NRG3: variants seen among roughly 807,000 people sequenced by gnomAD.
The protein encoded by NRG3 is neuregulin 3, also known as pro-neuregulin-3, membrane-bound isoform.
A neutral mutation model predicts 66.9 loss-of-function variants in NRG3; 31 were observed. That is an observed-to-expected ratio of 0.46 (90% CI 0.35 to 0.63). The LOEUF is 0.63. Ranked by LOEUF, NRG3 falls within the 20% of genes least tolerant of loss-of-function variation. The pLI is 0.00. For synonymous variants in NRG3, 393 were observed against 359.4 expected, an observed-to-expected ratio of 1.09 and a Z score of -1.06; for missense variants, 910 against 878.9, an observed-to-expected ratio of 1.04 and a Z score of -0.45.
chr10:82,681,095 C>T (rs771367537), intron 2 of NRG3, among the ~76,000 whole-genome samples: 20 of 152,102 alleles, frequency 1.3e-4, no homozygotes, highest in African/African-American at 4.1e-4. Flanking sequence ...ATTGGGGCAT[C>T]GCTCATGGTT....
chr10:82,837,132 C>A (rs2062822738), intron 3 of NRG3, among the ~76,000 whole-genome samples: 1 of 152,106 alleles, frequency 6.6e-6, no homozygotes, highest in South Asian at 2.1e-4. Context: ...TTTCTTAATC[C>A]AGTCTATCGT....
chr10:82,879,314 G>C (rs1249590056), intron 4 of NRG3, among the ~76,000 whole-genome samples: 1 of 152,118 alleles, frequency 6.6e-6, no homozygotes, highest in Non-Finnish European at 1.5e-5. Flanking sequence ...CTCTTAAGTT[G>C]CTTAAATGTC....
rs116371673 is a variant in NRG3, at chr10:82,024,398, A to G, written c.823+148235A>G. 9.8e-3 allele frequency among the ~76,000 whole-genome samples: 1,483 copies of G among 152,044 alleles called. 31 individuals carry two copies. The highest frequency in any genetic ancestry group is 0.033 in the African/African-American group (1,390 of 41,530). On this transcript the variant is annotated intron_variant, in intron 1 of 8. Coordinates refer to ENST00000372141, the MANE Select transcript of NRG3 (RefSeq NM_001010848.4). ...TCTACTAATTTTGGAAAACCTTTAT[A>G]CAGTGGGTTAAAGAAAATATCTTAT...
intron 1 of NRG3, among the ~76,000 whole-genome samples, chr10:82,030,619 G>T (rs545128509): frequency 6.6e-6 from 1 of 151,866 alleles, no homozygotes; most frequent in East Asian, 1.9e-4. Context: ...CACTTTAATG[G>T]AGGATATGAT....
At chr10:82,393,460 A>T (rs2086523938) in intron 2 of NRG3, among the ~76,000 whole-genome samples, 1 of 152,176 alleles carries the variant, frequency 6.6e-6, no homozygotes, top group Non-Finnish European at 1.5e-5. Flanking sequence ...ACTGACAGAA[A>T]GGATTAAAGT....
intron 3 of NRG3, among the ~76,000 whole-genome samples, chr10:82,774,721 T>A (rs2059833041): frequency 6.6e-6 from 1 of 151,764 alleles, no homozygotes; most frequent in South Asian, 2.1e-4. Context: ...AAGAAACAAC[T>A]CTTGGTTTTA....
intron 4 of NRG3, among the ~76,000 whole-genome samples, chr10:82,900,864 A>T (rs1206361212): frequency 6.6e-6 from 1 of 152,130 alleles, no homozygotes; most frequent in Non-Finnish European, 1.5e-5. Flanking sequence ...GTTTAAAGGA[A>T]ATTTTTTTCA....
chr10:82,945,125 G>A (rs983643795), intron 4 of NRG3, among the ~76,000 whole-genome samples: 1 of 152,164 alleles, frequency 6.6e-6, no homozygotes, highest in Non-Finnish European at 1.5e-5. Flanking sequence ...CCACCCCTCA[G>A]CTTGCTTTTC....
intron 4 of NRG3, among the ~76,000 whole-genome samples, chr10:82,895,450 AG>A (rs968713351): frequency 1.3e-5 from 2 of 152,030 alleles, no homozygotes; most frequent in Admixed American, 1.3e-4. Flanking sequence ...AGATTATCTG[AG>A]AAAAAAATGA....
rs140967596 is a variant in NRG3 at position 82,617,458 on chromosome 10, C to T, written c.954-121119C>T. On this transcript the variant is annotated intron_variant, in intron 2 of 8. Coordinates refer to ENST00000372141, the MANE Select transcript of NRG3 (RefSeq NM_001010848.4). Reference sequence around the variant, plus strand: ...GGAGAAAAGGGGAGTCTGACACCAGCGAGTTTGTGAGGAAGGGGAAGGCCA... The same window carrying T: ...GGAGAAAAGGGGAGTCTGACACCAGTGAGTTTGTGAGGAAGGGGAAGGCCA... 2.1e-3 allele frequency among the ~76,000 whole-genome samples: 315 copies of T among 152,148 alleles called. 4 individuals are homozygous for T. The highest frequency in any genetic ancestry group is 7.3e-3 in the African/African-American group (303 of 41,538).
intron 2 of NRG3, among the ~76,000 whole-genome samples, chr10:82,478,945 T>C (rs1330366318): frequency 6.6e-6 from 1 of 152,236 alleles, no homozygotes; most frequent in Non-Finnish European, 1.5e-5. Flanking sequence ...GCTTTTTAAA[T>C]TACCTTGCCT....
At chr10:82,037,293 C>T (rs1303097144) in intron 1 of NRG3, among the ~76,000 whole-genome samples, 1 of 152,142 alleles carries the variant, frequency 6.6e-6, no homozygotes, top group Non-Finnish European at 1.5e-5. Context: ...CACAAGGATC[C>T]TCTGTACTTT....
intron 1 of NRG3, among the ~76,000 whole-genome samples, chr10:82,097,416 A>G (rs1048922471): frequency 7.5e-5 from 6 of 80,226 alleles, no homozygotes; most frequent in Admixed American, 1.3e-4. Context: ...ACATATATAT[A>G]TATCTGTAAT....
chr10:82,135,723 G>A (rs557026260), intron 1 of NRG3, among the ~76,000 whole-genome samples: 1 of 152,128 alleles, frequency 6.6e-6, no homozygotes, highest in Non-Finnish European at 1.5e-5. Flanking sequence ...TTATCTGATA[G>A]GATTCTGAAT....
rs370688831 is a variant in NRG3 at position 82,223,025 on chromosome 10, A to G, written c.824-135714A>G. Among the ~76,000 whole-genome samples, 147 of 152,344 alleles carry G rather than the reference A, an allele frequency of 9.6e-4. 1 individual carries two copies. Among genetic ancestry groups the G allele is most frequent in the Middle Eastern group, 3.4e-3 (1 of 294 alleles). ...GAAATTTTCTTCTGGATCCTGCAGT[A>G]GATTAGCAGAAAATCTTCTTTTTGA... On this transcript the variant is annotated intron_variant, in intron 1 of 8. Transcript: ENST00000372141.
chr10:82,146,437 A>T (rs1389643204), intron 1 of NRG3, among the ~76,000 whole-genome samples: 2 of 152,006 alleles, frequency 1.3e-5, no homozygotes, highest in African/African-American at 4.8e-5. Context: ...ATCACACAGG[A>T]GATTCTCAGG....
chr10:82,879,848 A>G (rs946255014), intron 4 of NRG3, among the ~76,000 whole-genome samples: 1 of 151,854 alleles, frequency 6.6e-6, no homozygotes, highest in African/African-American at 2.4e-5. Context: ...TTAAATATTA[A>G]TGTTTCCAAC....
chr10:82,718,678 A>G (rs994584957), intron 2 of NRG3, among the ~76,000 whole-genome samples: 1 of 152,224 alleles, frequency 6.6e-6, no homozygotes, highest in Non-Finnish European at 1.5e-5. Flanking sequence ...AATTATGTCA[A>G]GTGTCTAGCA....
At chr10:82,258,829 T>A (rs573256426) in intron 1 of NRG3, among the ~76,000 whole-genome samples, 5 of 152,300 alleles carry the variant, frequency 3.3e-5, no homozygotes, top group Non-Finnish European at 7.4e-5. Context: ...TTGTGATAGA[T>A]CCAGGATTTA....
Sources: gnomAD v4.1 joint callset for allele counts (sites outside exome capture counted in the v4.1 genomes callset) on GRCh38, gnomAD v4.1.1 for gene constraint, MANE v1.5 for transcripts, NCBI Gene and HGNC (gene_info 2026-07-23, HGNC 2026-07-21) for gene names.